The following PRLR variants were observed in gnomAD, a reference collection of about 807,000 sequenced individuals.
PRLR encodes the protein prolactin receptor.
Under a neutral mutation model 40.2 loss-of-function variants are expected in PRLR, and 13 were observed. That is an observed-to-expected ratio of 0.32 (90% CI 0.21 to 0.51). The LOEUF (loss-of-function observed/expected upper bound fraction) is 0.51. PRLR is among the 20% of genes least tolerant of loss of function. The probability of loss-of-function intolerance (pLI) is 0.97; values close to 1 mark genes in which losing one functional copy is unlikely to be tolerated. For synonymous variants in PRLR, 269 were observed against 278.7 expected, an observed-to-expected ratio of 0.97 and a Z score of 0.35; for missense variants, 656 against 747.3, an observed-to-expected ratio of 0.88 and a Z score of 1.42.
At chr5:35,076,086 A>C (rs1373815163) in intron 5 of PRLR, among the ~76,000 whole-genome samples, 1 of 152,218 alleles carries the variant, frequency 6.6e-6, no homozygotes, top group African/African-American at 2.4e-5. Context: ...AAAGATGGGG[A>C]GAAACCAGAG....
At chr5:35,070,333 A>C in intron 6 of PRLR, 68 bp from the exon 7 acceptor site, 1 of 1,557,342 alleles carries the variant, frequency 6.4e-7, no homozygotes, top group Admixed American at 1.7e-5. Flanking sequence ...GTTTTCCCCT[A>C]AAAAATAAAC....
chr5:35,165,179 C>T (rs766238492), intron 1 of PRLR, among the ~76,000 whole-genome samples: 1 of 152,144 alleles, frequency 6.6e-6, no homozygotes, highest in Admixed American at 6.5e-5. Flanking sequence ...ATGACTTTCC[C>T]AGGTGTTCTG....
intron 2 of PRLR, among the ~76,000 whole-genome samples, chr5:35,108,484 CAGCCCAAA>C (rs1772425181): frequency 6.6e-6 from 1 of 151,834 alleles, no homozygotes; most frequent in African/African-American, 2.4e-5. Context: ...CCCATCGTCT[CAGCCCAAA>C]AGCTGATAAG....
At chr5:35,105,554 A>C (rs1304350205) in intron 2 of PRLR, among the ~76,000 whole-genome samples, 1 of 152,192 alleles carries the variant, frequency 6.6e-6, no homozygotes, top group African/African-American at 2.4e-5. Context: ...GAAGCTGAAA[A>C]CCATGGCACG....
chr5:35,193,538 C>T (rs1775659961), intron 1 of PRLR, among the ~76,000 whole-genome samples: 1 of 152,158 alleles, frequency 6.6e-6, no homozygotes, highest in Non-Finnish European at 1.5e-5. Flanking sequence ...AGCTCTCTTG[C>T]TTGGAGGGCA....
intron 3 of PRLR, 69 bp downstream of exon 3, chr5:35,089,482 G>T: frequency 9.4e-7 from 1 of 1,062,988 alleles, no homozygotes; most frequent in Non-Finnish European, 1.5e-6. Context: ...CAAGAAGACT[G>T]CATGGACTCT....
At chr5:35,095,787 T>C (rs16871786) in intron 2 of PRLR, among the ~76,000 whole-genome samples, 1 of 152,212 alleles carries the variant, frequency 6.6e-6, no homozygotes, top group African/African-American at 2.4e-5. Flanking sequence ...GAGGTACCCA[T>C]TGGGGAAAAC....
chr5:35,185,190 C>A (rs1291611456), intron 1 of PRLR, among the ~76,000 whole-genome samples: 1 of 152,212 alleles, frequency 6.6e-6, no homozygotes, highest in Non-Finnish European at 1.5e-5. Flanking sequence ...TGAGAAGGAC[C>A]AATTTCCATA....
In PRLR at chr5:35,092,960, C is replaced by T. The variant is rs139146333; in HGVS notation, c.-43-3297G>A. 1.1e-3 allele frequency among the ~76,000 whole-genome samples: 168 copies of T among 152,270 alleles called. 3 individuals are homozygous for T. In the Middle Eastern group the frequency reaches 0.048, roughly 43 times the overall value. ...CTTACCATATGCAAATATGCCTTCC[C>T]ACCACACTGTGGCCCACCGTGGTAT... On this transcript the variant is annotated intron_variant, in intron 2 of 9. Coordinates refer to ENST00000618457, the MANE Select transcript of PRLR (RefSeq NM_000949.7).
At chr5:35,189,131 C>T (rs1012741664) in intron 1 of PRLR, among the ~76,000 whole-genome samples, 3 of 152,156 alleles carry the variant, frequency 2.0e-5, no homozygotes, top group African/African-American at 4.8e-5. Flanking sequence ...AAGCAGAGAT[C>T]GATGGTGCTT....
At chr5:35,189,360 C>T (rs1775537023) in intron 1 of PRLR, among the ~76,000 whole-genome samples, 1 of 152,084 alleles carries the variant, frequency 6.6e-6, no homozygotes, top group Non-Finnish European at 1.5e-5. Flanking sequence ...GCACGTGGAC[C>T]ACTTGAGGTC....
At chr5:35,152,144 T>TACCATTATACCTTATACCTTATA (rs1561336040) in intron 1 of PRLR, among the ~76,000 whole-genome samples, 5 of 152,236 alleles carry the variant, frequency 3.3e-5, no homozygotes, top group Non-Finnish European at 7.3e-5. Context: ...ATCCGCGTGA[T>TACCATTATACCTTATACCTTATA]CCATTCTCCT....
At chr5:35,089,513 C>A in intron 3 of PRLR, 38 bp downstream of exon 3, 1 of 1,447,888 alleles carries the variant, frequency 6.9e-7, no homozygotes, top group Non-Finnish European at 9.7e-7. Context: ...GACAAACACC[C>A]CAGGCAATGA....
intron 1 of PRLR, among the ~76,000 whole-genome samples, chr5:35,138,195 C>A (rs746709050): frequency 6.6e-6 from 1 of 152,130 alleles, no homozygotes; most frequent in Non-Finnish European, 1.5e-5. Context: ...CAATTCTATG[C>A]GAGAATTCTT....
intron 3 of PRLR, among the ~76,000 whole-genome samples, chr5:35,086,797 G>C (rs1770881222): frequency 6.6e-6 from 1 of 152,034 alleles, no homozygotes; most frequent in Non-Finnish European, 1.5e-5. Flanking sequence ...GCAATCCGCA[G>C]ACACTCTGGC....
chr5:35,068,923 T>A (rs749729306), intron 7 of PRLR, 45 bp from the exon 8 acceptor site: 1 of 1,420,462 alleles, frequency 7.0e-7, no homozygotes, highest in Non-Finnish European at 9.9e-7. Context: ...TACAGCATCA[T>A]TAAAAACAAA....
intron 1 of PRLR, among the ~76,000 whole-genome samples, chr5:35,174,733 G>C (rs1286675668): frequency 6.6e-6 from 1 of 152,092 alleles, no homozygotes; most frequent in Non-Finnish European, 1.5e-5. Context: ...GACCTGTCTG[G>C]GGACCAGCCA....
downstream of PRLR, among the ~76,000 whole-genome samples, chr5:35,051,626 C>T (rs1352633136): frequency 6.6e-6 from 1 of 152,056 alleles, no homozygotes; most frequent in African/African-American, 2.4e-5. Context: ...ATTACAAGGA[C>T]CTTTAATTAT....
intron 1 of PRLR, among the ~76,000 whole-genome samples, chr5:35,175,242 T>C (rs1775113339): frequency 6.6e-6 from 1 of 152,180 alleles, no homozygotes; most frequent in African/African-American, 2.4e-5. Flanking sequence ...GTTCTCATAA[T>C]AGTGAATAAT....
Sources: gnomAD v4.1 joint callset for allele counts (sites outside exome capture counted in the v4.1 genomes callset) on GRCh38, gnomAD v4.1.1 for gene constraint, MANE v1.5 for transcripts, NCBI Gene and HGNC (gene_info 2026-07-23, HGNC 2026-07-21) for gene names.